The following DIS3L2 variants were observed in gnomAD, a reference collection of about 807,000 sequenced individuals.
DIS3L2 encodes DIS3 like 3'-5' exoribonuclease 2, also known as DIS3-like exonuclease 2.
A neutral mutation model predicts 97.5 loss-of-function variants in DIS3L2; 34 were observed. That is an observed-to-expected ratio of 0.35 (90% CI 0.27 to 0.46). The LOEUF (loss-of-function observed/expected upper bound fraction) is 0.46, where lower values mean the gene tolerates loss of function less well. DIS3L2 is among the 20% of genes least tolerant of loss of function. The probability of loss-of-function intolerance (pLI) is 1.00; values close to 1 mark genes in which losing one functional copy is unlikely to be tolerated. For missense variants in DIS3L2, 1,038 were observed against 1,146.0 expected (o/e 0.91, Z 1.36); for synonymous variants, 435 against 445.2 (o/e 0.98, Z 0.29).
At chr2:231,997,738 C>T (rs1453894459) in intron 1 of DIS3L2, among the ~76,000 whole-genome samples, 1 of 152,150 alleles carries the variant, frequency 6.6e-6, no homozygotes, top group Non-Finnish European at 1.5e-5. Context: ...ACAAGATTCC[C>T]CAGTGTTAAT....
intron 1 of DIS3L2, among the ~76,000 whole-genome samples, chr2:231,970,794 G>T (rs1383956490): frequency 6.7e-6 from 1 of 149,488 alleles, no homozygotes; most frequent in Non-Finnish European, 1.5e-5. Context: ...AGCTTACTGT[G>T]ACTTTTTTTA....
intron 14 of DIS3L2, among the ~76,000 whole-genome samples, chr2:232,301,527 C>T (rs988020210): frequency 2.0e-5 from 3 of 152,164 alleles, no homozygotes; most frequent in Non-Finnish European, 2.9e-5. Context: ...GAGAGGCTAC[C>T]GGGTGCCCTC....
intron 6 of DIS3L2, among the ~76,000 whole-genome samples, chr2:232,109,798 A>T (rs1341173932): frequency 6.6e-6 from 1 of 152,208 alleles, no homozygotes; most frequent in Non-Finnish European, 1.5e-5. Flanking sequence ...TTCAGGATAT[A>T]GGTACCAGCA....
intron 4 of DIS3L2, among the ~76,000 whole-genome samples, chr2:232,027,573 C>G (rs3116231): frequency 0.8 from 122,260 of 152,230 alleles, 49,878 homozygotes; most frequent in African/African-American, 0.94. Flanking sequence ...TGCTCTTACT[C>G]ACTCTAAAAA....
In DIS3L2 at chr2:232,163,489, T is replaced by C. The variant is rs372569875; in HGVS notation, c.981T>C (p.Gly327=). 12 of 1,613,902 alleles carry C rather than the reference T, an allele frequency of 7.4e-6. No homozygotes were observed. In the African/African-American group the frequency reaches 1.3e-4, roughly 18 times the overall value. Residue 327 remains glycine (G), a synonymous_variant, in exon 9 of 21, where the codon GGT becomes GGC. Transcript: ENST00000325385. Reference sequence around the variant, plus strand: ...TGGCTAAGAGTCTTGGGCAGGCTGGTGAAATTGAGCCTGAAACAGAAGGAA... The same window carrying C: ...TGGCTAAGAGTCTTGGGCAGGCTGGCGAAATTGAGCCTGAAACAGAAGGAA... ...GQLAKSLGQA[G]EIEPETEGIL... is the part of the protein sequence containing the mutation.
At chr2:232,220,009 C>T (rs1196766940) in intron 10 of DIS3L2, among the ~76,000 whole-genome samples, 1 of 152,060 alleles carries the variant, frequency 6.6e-6, no homozygotes, top group Non-Finnish European at 1.5e-5. Context: ...CAGTGGCTTA[C>T]ACCTATAATC....
intron 5 of DIS3L2, among the ~76,000 whole-genome samples, chr2:232,064,190 T>C (rs1235148912): frequency 6.6e-6 from 1 of 152,208 alleles, no homozygotes; most frequent in Non-Finnish European, 1.5e-5. Context: ...AAGCATTCTT[T>C]ACTCCCGAAA....
intron 8 of DIS3L2, among the ~76,000 whole-genome samples, chr2:232,162,354 T>C (rs1394961890): frequency 6.6e-6 from 1 of 152,112 alleles, no homozygotes; most frequent in Non-Finnish European, 1.5e-5. Context: ...TCTTGACTAG[T>C]GTGAGAAATG....
chr2:232,206,637 T>C (rs1319471446), intron 9 of DIS3L2, among the ~76,000 whole-genome samples: 2 of 152,242 alleles, frequency 1.3e-5, no homozygotes, highest in African/African-American at 2.4e-5. Flanking sequence ...TAGTATGGTT[T>C]GCCAATTCCT....
At chr2:232,048,144 T>C (rs1695294148) in intron 5 of DIS3L2, among the ~76,000 whole-genome samples, 4 of 152,168 alleles carry the variant, frequency 2.6e-5, no homozygotes, top group Admixed American at 2.6e-4. Flanking sequence ...AAAATATAGA[T>C]CACTAAAAGA....
At chr2:232,030,847 A>G (rs1190473983) in intron 5 of DIS3L2, among the ~76,000 whole-genome samples, 1 of 152,004 alleles carries the variant, frequency 6.6e-6, no homozygotes, top group East Asian at 1.9e-4. Context: ...CTTCTTCAAT[A>G]ATACGTGTTA....
In DIS3L2 at chr2:232,281,020, C is replaced by G. The variant is rs1391694516; in HGVS notation, c.1659+17580C>G. On this transcript the variant is annotated intron_variant, in intron 13 of 20. Transcript: ENST00000325385. The surrounding 1 kb of genome is among the most constrained non-coding windows in gnomAD (Gnocchi z 4.1). The stretch of plus-strand genomic sequence containing the variant: ...GTACAGGCCATTGGTGTGGCTGTGT[C>G]AGAGGAAGGGCTCCCAGTGGTGGTG... 6.6e-6 allele frequency among the ~76,000 whole-genome samples: 1 copy of G among 152,152 alleles called. No individual in the cohort carries two copies. The highest frequency in any genetic ancestry group is 2.4e-5 in the African/African-American group (1 of 41,426).
intron 6 of DIS3L2, among the ~76,000 whole-genome samples, chr2:232,126,939 A>G (rs1417655300): frequency 1.3e-5 from 2 of 152,164 alleles, no homozygotes; most frequent in South Asian, 2.1e-4. Context: ...GTGGCCTTCA[A>G]CTTCCTTATT....
At chr2:232,137,573 C>G (rs568004980) in intron 8 of DIS3L2, among the ~76,000 whole-genome samples, 5 of 152,152 alleles carry the variant, frequency 3.3e-5, no homozygotes, top group African/African-American at 4.8e-5. Context: ...CTGGGAATGT[C>G]CTATGGGTAG....
intron 1 of DIS3L2, among the ~76,000 whole-genome samples, chr2:231,988,484 T>G (rs1693484676): frequency 6.6e-6 from 1 of 152,258 alleles, no homozygotes. Context: ...TTTAGTATCT[T>G]AGTCATTTTA....
intron 5 of DIS3L2, among the ~76,000 whole-genome samples, chr2:232,069,958 G>T (rs1179523630): frequency 2.0e-5 from 3 of 152,156 alleles, no homozygotes; most frequent in African/African-American, 7.2e-5. Context: ...GTTCAAGTTG[G>T]TTTTTCTGTC....
chr2:232,044,107 G>A (rs1695176590), intron 5 of DIS3L2, among the ~76,000 whole-genome samples: 1 of 151,228 alleles, frequency 6.6e-6, no homozygotes, highest in Non-Finnish European at 1.5e-5. Flanking sequence ...GGCAGATGGA[G>A]AGGCAGGGGT....
intron 10 of DIS3L2, among the ~76,000 whole-genome samples, chr2:232,216,747 T>A (rs1288575597): frequency 6.6e-6 from 1 of 152,016 alleles, no homozygotes; most frequent in Non-Finnish European, 1.5e-5. Flanking sequence ...GAGTTGATCG[T>A]TTTGCAGGGT....
intron 5 of DIS3L2, among the ~76,000 whole-genome samples, chr2:232,043,668 A>G (rs1695165182): frequency 6.6e-6 from 1 of 152,244 alleles, no homozygotes; most frequent in Non-Finnish European, 1.5e-5. Flanking sequence ...ATTGCTTTAA[A>G]GTACAGGGTA....
Sources: gnomAD v4.1 joint callset for allele counts (sites outside exome capture counted in the v4.1 genomes callset) on GRCh38, gnomAD v4.1.1 for gene constraint, Gnocchi (gnomAD v3.1) non-coding constraint, MANE v1.5 for transcripts, NCBI Gene and HGNC (gene_info 2026-07-23, HGNC 2026-07-21) for gene names.